The following LINGO2 variants were observed in gnomAD, a reference collection of about 807,000 sequenced individuals.
LINGO2 encodes leucine rich repeat and Ig domain containing 2.
LINGO2 carries 14 observed loss-of-function variants against 30.6 expected under a neutral mutation model. That is an observed-to-expected ratio of 0.46 (90% CI 0.30 to 0.72). The LOEUF is 0.72. Among genes scored for constraint, LINGO2 ranks in the 30% least tolerant of loss-of-function variants. The pLI, the probability that LINGO2 is intolerant of heterozygous loss-of-function variation, is 0.07. For synonymous variants in LINGO2, 317 were observed against 288.5 expected (o/e 1.10, Z -1.00); for missense variants, 729 against 751.7 (o/e 0.97, Z 0.35).
the LINGO2 span, among the ~76,000 whole-genome samples, chr9:28,796,088 CA>C: frequency 1.3e-4 from 19 of 140,884 alleles, no homozygotes; most frequent in East Asian, 6.1e-4. Context: ...AAATAGTGCA[CA>C]AAAAAAAAAC....
chr9:28,614,415 G>T (rs917735699), intron 1 of LINGO2, among the ~76,000 whole-genome samples: 1 of 152,028 alleles, frequency 6.6e-6, no homozygotes, highest in Non-Finnish European at 1.5e-5. Flanking sequence ...CATTTCAAAA[G>T]AATTTTCTAA....
chr9:29,092,736 T>A, the LINGO2 span, among the ~76,000 whole-genome samples: 1 of 136,934 alleles, frequency 7.3e-6, no homozygotes, highest in African/African-American at 2.7e-5. Flanking sequence ...GATAGGTAAG[T>A]TTTCTGTGGA....
intron 2 of LINGO2, among the ~76,000 whole-genome samples, chr9:28,447,752 C>T: frequency 6.6e-6 from 1 of 152,110 alleles, no homozygotes; most frequent in Admixed American, 6.6e-5. Context: ...TATATGTTGT[C>T]AAACAATGCA....
chr9:28,309,329 A>C (rs1824509545), intron 3 of LINGO2, among the ~76,000 whole-genome samples: 1 of 152,030 alleles, frequency 6.6e-6, no homozygotes, highest in Admixed American at 6.6e-5. Flanking sequence ...AACTATCACA[A>C]GTACAAAAAA....
intron 4 of LINGO2, among the ~76,000 whole-genome samples, chr9:28,273,084 C>A (rs184552381): frequency 6.6e-6 from 1 of 152,236 alleles, no homozygotes; most frequent in Non-Finnish European, 1.5e-5. Context: ...AATGCTTCTC[C>A]CATAGGTTTT....
chr9:29,024,679 G>A, the LINGO2 span, among the ~76,000 whole-genome samples: 5 of 152,076 alleles, frequency 3.3e-5, no homozygotes, highest in African/African-American at 1.2e-4. Context: ...AGAGAGCGAT[G>A]GAGAAGGCAG....
At chr9:28,077,791 G>T (rs201979846) in intron 4 of LINGO2, among the ~76,000 whole-genome samples, 2 of 123,562 alleles carry the variant, frequency 1.6e-5, no homozygotes, top group Admixed American at 7.4e-5. Flanking sequence ...AAAAAAGAAA[G>T]AGAAGAAAGA....
chr9:28,714,290 T>G, the LINGO2 span, among the ~76,000 whole-genome samples: 4 of 151,516 alleles, frequency 2.6e-5, no homozygotes, highest in Admixed American at 2.0e-4. Context: ...AACACTTCCA[T>G]GCACTTTATA....
the LINGO2 span, among the ~76,000 whole-genome samples, chr9:28,691,645 A>ATAG: frequency 1.3e-5 from 2 of 152,200 alleles, no homozygotes; most frequent in African/African-American, 4.8e-5. Flanking sequence ...AATATCCATC[A>ATAG]TAGTAGTGAT....
At chr9:29,022,664 CT>C in the LINGO2 span, among the ~76,000 whole-genome samples, 2 of 152,128 alleles carry the variant, frequency 1.3e-5, no homozygotes, top group Non-Finnish European at 2.9e-5. Context: ...TATGCCTTGC[CT>C]CCTTATGCAC....
Position 28,057,602 on chromosome 9 carries a change from CACATATATGTATATACATAT to C in LINGO2, c.-86-45217_-86-45198del, listed in dbSNP as rs1317036475. 2.2e-4 allele frequency among the ~76,000 whole-genome samples: 33 copies of C among 146,836 alleles called. 1 individual carries two copies. Among genetic ancestry groups the C allele is most frequent in the African/African-American group, 8.0e-4 (32 of 40,156 alleles). On this transcript the variant is annotated intron_variant, in intron 4 of 5. Coordinates refer to ENST00000379992, the Ensembl canonical transcript of LINGO2. ...ACATATATGTATATACATATATATA[CACATATATGTATATACATAT>C]ATATACACACATATATAAACCTGTT...
the LINGO2 span, among the ~76,000 whole-genome samples, chr9:28,866,075 ACAGCATTCAG>A: frequency 0.012 from 1,852 of 152,256 alleles, 14 homozygotes; most frequent in Non-Finnish European, 0.02. Context: ...CCCTCTTTAG[ACAGCATTCAG>A]CTAATTTAGA....
intron 4 of LINGO2, among the ~76,000 whole-genome samples, chr9:28,040,141 A>G (rs910647887): frequency 6.6e-6 from 1 of 152,060 alleles, no homozygotes; most frequent in African/African-American, 2.4e-5. Context: ...TTCCTTATAA[A>G]CTAAATTTTG....
intron 4 of LINGO2, among the ~76,000 whole-genome samples, chr9:28,234,112 T>C (rs758739671): frequency 6.6e-6 from 1 of 151,856 alleles, no homozygotes; most frequent in Non-Finnish European, 1.5e-5. Flanking sequence ...CACAGTGGGG[T>C]AGAGCAACCA....
At chr9:28,739,504 A>G in the LINGO2 span, among the ~76,000 whole-genome samples, 1 of 151,942 alleles carries the variant, frequency 6.6e-6, no homozygotes, top group Non-Finnish European at 1.5e-5. Flanking sequence ...CAAAACATGT[A>G]AATTCTGACA....
chr9:28,561,156 TACCAC>T (rs1823035562), intron 1 of LINGO2, among the ~76,000 whole-genome samples: 3 of 152,056 alleles, frequency 2.0e-5, no homozygotes, highest in Admixed American at 2.0e-4. Context: ...TTGTAACTCC[TACCAC>T]TAATTTTCTC....
the LINGO2 span, among the ~76,000 whole-genome samples, chr9:28,763,671 C>G: frequency 6.6e-6 from 1 of 150,662 alleles, no homozygotes; most frequent in Non-Finnish European, 1.5e-5. Flanking sequence ...AAAAGAAAGA[C>G]AATGAAGAGT....
chr9:28,963,328 A>C, the LINGO2 span, among the ~76,000 whole-genome samples: 1 of 151,938 alleles, frequency 6.6e-6, no homozygotes, highest in African/African-American at 2.4e-5. Flanking sequence ...AGCACAGCTC[A>C]AGACTAGTAC....
At chr9:28,814,972 C>A in the LINGO2 span, among the ~76,000 whole-genome samples, 2 of 152,086 alleles carry the variant, frequency 1.3e-5, no homozygotes. Flanking sequence ...TAGAAAGTGT[C>A]CCTAAAACAA....
Sources: gnomAD v4.1 joint callset for allele counts (sites outside exome capture counted in the v4.1 genomes callset) on GRCh38, gnomAD v4.1.1 for gene constraint, MANE v1.5 for transcripts, NCBI Gene and HGNC (gene_info 2026-07-23, HGNC 2026-07-21) for gene names.